FER: variants seen among roughly 807,000 people sequenced by gnomAD.
FER encodes the protein FER tyrosine kinase.
In FER, 63 loss-of-function variants were observed where a neutral mutation model predicts 111.0. The observed-to-expected ratio is 0.57, with a 90% CI of 0.46 to 0.70. The LOEUF (loss-of-function observed/expected upper bound fraction) is 0.70. Ranked by LOEUF, FER falls within the 30% of genes least tolerant of loss-of-function variation. The pLI, the probability that FER is intolerant of heterozygous loss-of-function variation, is 0.00. For synonymous variants in FER, 327 were observed against 313.9 expected (o/e 1.04, Z -0.44); for missense variants, 914 against 954.0 (o/e 0.96, Z 0.55).
At chr5:109,009,134 G>A (rs1376970161) in intron 13 of FER, among the ~76,000 whole-genome samples, 1 of 137,746 alleles carries the variant, frequency 7.3e-6, no homozygotes, top group Non-Finnish European at 1.5e-5. Context: ...TGCAACTGCC[G>A]CCTCCCGGGT....
chr5:109,084,664 T>G (rs1777360276), intron 16 of FER, among the ~76,000 whole-genome samples: 1 of 151,896 alleles, frequency 6.6e-6, no homozygotes, highest in Non-Finnish European at 1.5e-5. Flanking sequence ...TGCTTTTGAG[T>G]CCTAAGAAAT....
intron 5 of FER, among the ~76,000 whole-genome samples, chr5:108,842,034 A>G (rs1040776490): frequency 6.6e-6 from 1 of 152,212 alleles, no homozygotes; most frequent in Non-Finnish European, 1.5e-5. Flanking sequence ...TATAGCTTTG[A>G]TAATGAAATT....
chr5:108,970,256 C>T (rs943769005), intron 13 of FER, among the ~76,000 whole-genome samples: 5 of 151,242 alleles, frequency 3.3e-5, no homozygotes, highest in Non-Finnish European at 7.4e-5. Context: ...CACTCTGTTG[C>T]CCAGGCTGGA....
At chr5:109,057,375 G>A (rs956125091) in intron 16 of FER, among the ~76,000 whole-genome samples, 6 of 152,202 alleles carry the variant, frequency 3.9e-5, no homozygotes, top group Non-Finnish European at 5.9e-5. Flanking sequence ...ATTGATGAAC[G>A]TCTTCCCAGA....
At chr5:109,104,194 T>C (rs887510514) in intron 17 of FER, among the ~76,000 whole-genome samples, 1 of 152,248 alleles carries the variant, frequency 6.6e-6, no homozygotes, top group Non-Finnish European at 1.5e-5. Flanking sequence ...CTAACAACTT[T>C]ACAAATTAAA....
At position 109,047,335 on chromosome 5, in the gene FER, T is replaced by C. The variant is rs1427865491; in HGVS notation, c.1924+137T>C. ...AACATTTCCAGATAACAAAAGAGTC[T>C]GTACCTATAGTCAGTATTTTTATAG... On this transcript the variant is annotated intron_variant, in intron 16 of 19. Coordinates refer to ENST00000281092, the MANE Select transcript of FER (RefSeq NM_005246.4). The C allele has an allele frequency of 5.3e-6, 3 of 570,520 alleles. No individual in the cohort carries two copies. The African/African-American group carries it at 5.9e-5, about 11-fold the overall frequency. The allele number at this position is 570,520 out of a possible 1,614,324, so 35.3% of individuals were successfully genotyped here.
chr5:108,880,244 G>T (rs1258689662), intron 8 of FER, among the ~76,000 whole-genome samples: 2 of 152,122 alleles, frequency 1.3e-5, no homozygotes, highest in African/African-American at 4.8e-5. Context: ...TAAGGGAAAT[G>T]TGCAGGGAAG....
intron 5 of FER, among the ~76,000 whole-genome samples, chr5:108,846,276 A>T (rs1456461742): frequency 1.3e-5 from 2 of 152,052 alleles, no homozygotes; most frequent in Non-Finnish European, 2.9e-5. Flanking sequence ...TTCTGTAATC[A>T]ATATAGGCTA....
intron 2 of FER, among the ~76,000 whole-genome samples, chr5:108,793,724 G>A (rs1755672026): frequency 6.6e-6 from 1 of 151,848 alleles, no homozygotes; most frequent in Admixed American, 6.6e-5. Context: ...CTGTCTTCCT[G>A]TCTTTCTTTT....
chr5:109,095,213 G>C (rs1747349474), intron 16 of FER, among the ~76,000 whole-genome samples: 1 of 152,062 alleles, frequency 6.6e-6, no homozygotes, highest in Admixed American at 6.6e-5. Context: ...ATTTGGTCTA[G>C]CTGAAGTCTG....
At chr5:109,146,341 G>A (rs1177602737) in intron 17 of FER, among the ~76,000 whole-genome samples, 3 of 133,810 alleles carry the variant, frequency 2.2e-5, no homozygotes, top group Admixed American at 7.8e-5. Flanking sequence ...CAGTGAAGTG[G>A]AGAACCAGGT....
At chr5:109,023,284 G>A (rs1237906856) in intron 13 of FER, among the ~76,000 whole-genome samples, 4 of 152,112 alleles carry the variant, frequency 2.6e-5, no homozygotes, top group Admixed American at 1.3e-4. Flanking sequence ...TGGATGAATA[G>A]TAGTTACATT....
chr5:108,805,016 G>A (rs1300740706), intron 3 of FER, among the ~76,000 whole-genome samples: 1 of 151,432 alleles, frequency 6.6e-6, no homozygotes, highest in Non-Finnish European at 1.5e-5. Context: ...TCAATTTGGA[G>A]CTGGATATTG....
At chr5:108,849,511 C>T (rs895841036) in intron 5 of FER, among the ~76,000 whole-genome samples, 2 of 151,894 alleles carry the variant, frequency 1.3e-5, no homozygotes, top group Admixed American at 6.6e-5. Flanking sequence ...TTATCTCAGG[C>T]AGTATAGGTT....
intron 8 of FER, among the ~76,000 whole-genome samples, chr5:108,872,635 A>G (rs1188485783): frequency 2.0e-5 from 3 of 152,140 alleles, no homozygotes; most frequent in African/African-American, 7.2e-5. Flanking sequence ...TTTTCTCTTG[A>G]AGCAGGGATG....
chr5:109,180,480 T>C (rs933943072), intron 17 of FER, among the ~76,000 whole-genome samples: 1 of 152,146 alleles, frequency 6.6e-6, no homozygotes, highest in African/African-American at 2.4e-5. Context: ...TAATTTTCTC[T>C]TTTAAAGCTA....
At chr5:108,927,062 T>C (rs976323951) in intron 10 of FER, among the ~76,000 whole-genome samples, 3 of 152,022 alleles carry the variant, frequency 2.0e-5, no homozygotes, top group Non-Finnish European at 4.4e-5. Flanking sequence ...CATATTGATA[T>C]TGTATTATGT....
Position 109,190,554 on chromosome 5 carries a change from T to G in FER, c.*2979T>G, listed in dbSNP as rs965722065. On this transcript the variant is annotated 3_prime_UTR_variant, in exon 20 of 20. Coordinates refer to ENST00000281092, the MANE Select transcript of FER (RefSeq NM_005246.4). ...TAAATTAACATTTATTACCAACATG[T>G]GAAACCTAAAATTAATTTTGCATTC... The G allele has an allele frequency of 6.6e-6, 1 of 152,142 alleles. No homozygotes were observed. The highest frequency in any genetic ancestry group is 2.4e-5 in the African/African-American group (1 of 41,440). The allele number at this position is 152,142 out of a possible 1,614,324, so 9.4% of individuals were successfully genotyped here.
At position 108,883,408 on chromosome 5, in the gene FER, A is replaced by T; in HGVS notation, c.936A>T (p.Leu312Phe). Residue 312 changes from leucine (L) to phenylalanine (F), a missense_variant, in exon 9 of 20, where the codon TTA becomes TTT. By Grantham distance (22) the Leu-to-Phe change is conservative (BLOSUM62 0). This residue lies in a region of FER where 774 missense variants were observed against 782.6 expected (regional missense o/e 0.99). Transcript: ENST00000281092. ...AESLQVMLKTLAEELMQTQQM... is the reference protein window; with the variant it reads ...AESLQVMLKTFAEELMQTQQM... The stretch of plus-strand genomic sequence containing the variant: ...CTGTTTATTCTAGGTTGAAAACGTT[A>T]GCGGAAGAACTTATGCAAACACAGC... 6.2e-7 allele frequency: 1 copy of T among 1,605,284 alleles called. No homozygotes were observed. Among genetic ancestry groups the T allele is most frequent in the East Asian group, 2.2e-5 (1 of 44,604 alleles).
Sources: gnomAD v4.1 joint callset for allele counts (sites outside exome capture counted in the v4.1 genomes callset) on GRCh38, gnomAD v4.1.1 for gene constraint, gnomAD v4.1.1 regional missense constraint, MANE v1.5 for transcripts, NCBI Gene and HGNC (gene_info 2026-07-23, HGNC 2026-07-21) for gene names.